PADI3: variants seen among roughly 807,000 people sequenced by gnomAD.
PADI3 encodes protein-arginine deiminase type-3.
In PADI3, 53 loss-of-function variants were observed where a neutral mutation model predicts 71.5. The observed-to-expected ratio is 0.74, with a 90% CI of 0.59 to 0.93. The LOEUF is 0.93. Among genes scored for constraint, PADI3 ranks in the 40% least tolerant of loss-of-function variants. The pLI is 0.00. For missense variants in PADI3, 821 were observed against 868.0 expected (o/e 0.95, Z 0.68); for synonymous variants, 361 against 347.5 (o/e 1.04, Z -0.43).
At chr1:17,270,746 C>T (rs1178948412) in intron 7 of PADI3, 133 bp from the exon 8 acceptor site, 3 of 689,518 alleles carry the variant, frequency 4.4e-6, no homozygotes, top group Non-Finnish European at 2.5e-6. Flanking sequence ...ACTTCTTGAC[C>T]ACCCCTCTGG....
rs539544227 is a variant in PADI3, at chr1:17,258,337, G to A, written c.93-1241G>A. ...ATGTTGGTCCTCAGCTCCCCAGCGG[G>A]ATCAACAGTGGGGAGAGCAGTGGGT... is the stretch of plus-strand genomic sequence containing the variant. On this transcript the variant is annotated intron_variant, in intron 1 of 15. Transcript: ENST00000375460. Among the ~76,000 whole-genome samples the A allele has an allele frequency of 7.2e-5, 11 of 152,354 alleles. 2 individuals carry two copies. Among genetic ancestry groups the A allele is most frequent in the African/African-American group, 2.2e-4 (9 of 41,578 alleles).
chr1:17,252,404 T>C (rs2072977825), intron 1 of PADI3, among the ~76,000 whole-genome samples: 2 of 149,966 alleles, frequency 1.3e-5, no homozygotes, highest in South Asian at 4.2e-4. Context: ...CTTCTTCTTT[T>C]TTTTTTTTTT....
chr1:17,255,090 T>C (rs1200627012), intron 1 of PADI3, among the ~76,000 whole-genome samples: 1 of 152,222 alleles, frequency 6.6e-6, no homozygotes, highest in South Asian at 2.1e-4. Context: ...TCAGAATGGC[T>C]TAAAATGCGG....
In PADI3 at chr1:17,280,748, G is replaced by A. The variant is rs751850048; in HGVS notation, c.1713G>A (p.Gln571=). 4.2e-5 allele frequency: 67 copies of A among 1,614,060 alleles called. No individual in the cohort carries two copies. The highest frequency in any genetic ancestry group is 5.6e-5 in the Non-Finnish European group (66 of 1,180,036). ...LAECDIIDIP[Q]LFKTERKKAT... ...AGTGTGACATCATTGACATCCCACA[G>A]CTCTTCAAGACCGAGAGGAAAAAAG... The change falls in exon 15 of 16, where the codon CAG becomes CAA. Residue 571 remains glutamine (Q), a synonymous_variant. Coordinates refer to ENST00000375460, the MANE Select transcript of PADI3 (RefSeq NM_016233.2).
At chr1:17,270,504 G>A (rs773090747) in intron 7 of PADI3, 93 bp downstream of exon 7, 532 of 1,094,132 alleles carry the variant, frequency 4.9e-4, no homozygotes, top group Non-Finnish European at 5.8e-4. Flanking sequence ...AAAAAATAGC[G>A]AGGTATAGTG....
At chr1:17,256,012 G>A (rs1455058872) in intron 1 of PADI3, among the ~76,000 whole-genome samples, 1 of 152,134 alleles carries the variant, frequency 6.6e-6, no homozygotes, top group Non-Finnish European at 1.5e-5. Context: ...GGGATGAAAT[G>A]AAAACAAGCT....
At chr1:17,256,885 T>C (rs1015494371) in intron 1 of PADI3, among the ~76,000 whole-genome samples, 2 of 151,808 alleles carry the variant, frequency 1.3e-5, no homozygotes, top group Admixed American at 1.3e-4. Context: ...ATACAAAAAT[T>C]AGCCGGACAC....
chr1:17,277,942 C>T (rs72646786), intron 13 of PADI3: 19,224 of 154,490 alleles, frequency 0.12, 1,443 homozygotes, highest in South Asian at 0.28. Flanking sequence ...AGATGCCAAA[C>T]TGGACCTGCC....
chr1:17,255,559 C>T (rs1278875829), intron 1 of PADI3, among the ~76,000 whole-genome samples: 1 of 152,196 alleles, frequency 6.6e-6, no homozygotes, highest in Non-Finnish European at 1.5e-5. Context: ...AGGTACTTCC[C>T]CTGTTCTCTA....
At chr1:17,274,608 C>T (rs1250655699) in intron 10 of PADI3, 27 bp from the exon 11 acceptor site, 1 of 1,596,574 alleles carries the variant, frequency 6.3e-7, no homozygotes, top group Admixed American at 1.7e-5. Context: ...ACCCTCCACC[C>T]CCGCCTGACT....
chr1:17,269,397 G>A (rs1231713405), intron 6 of PADI3, among the ~76,000 whole-genome samples: 1 of 152,156 alleles, frequency 6.6e-6, no homozygotes, highest in African/African-American at 2.4e-5. Context: ...GACTTACACA[G>A]TTCTCTGAAC....
chr1:17,263,734 G>A (rs1006329480), intron 3 of PADI3, among the ~76,000 whole-genome samples: 5 of 152,252 alleles, frequency 3.3e-5, no homozygotes, highest in East Asian at 1.9e-4. Flanking sequence ...CAATGCATAC[G>A]GCTGACTTGG....
intron 9 of PADI3, among the ~76,000 whole-genome samples, chr1:17,272,236 G>A (rs542194918): frequency 1.3e-5 from 2 of 152,258 alleles, no homozygotes; most frequent in East Asian, 1.9e-4. Context: ...GCAAAGGCCC[G>A]GGGGTGGGAG....
In PADI3 at chr1:17,276,547, G is replaced by A. The variant is rs770763377; in HGVS notation, c.1336G>A (p.Val446Met). 2 of 1,614,138 alleles carry A rather than the reference G, an allele frequency of 1.2e-6. No individual in the cohort carries two copies. Among genetic ancestry groups the A allele is most frequent in the South Asian group, 2.2e-5 (2 of 91,078 alleles). ...AAGTGGCCGCAGGGTCACCCAGGTGGTGCGGGACTTCCTCCATGCCCAGAA... is the reference window on the plus strand; with the variant it reads ...AAGTGGCCGCAGGGTCACCCAGGTGATGCGGGACTTCCTCCATGCCCAGAA... Reference protein sequence around the residue: ...GSSGRRVTQVVRDFLHAQKVQ... With the variant: ...GSSGRRVTQVMRDFLHAQKVQ... The change falls in exon 12 of 16, where the codon GTG becomes ATG. Residue 446 changes from valine (V) to methionine (M), a missense_variant. By Grantham distance (21) the Val-to-Met change is conservative. Coordinates refer to ENST00000375460, the MANE Select transcript of PADI3 (RefSeq NM_016233.2).
At chr1:17,274,097 A>AC (rs2073292595) in intron 10 of PADI3, among the ~76,000 whole-genome samples, 1 of 151,834 alleles carries the variant, frequency 6.6e-6, no homozygotes. Flanking sequence ...AGAACAAGAG[A>AC]CCCCTCCAAC....
chr1:17,267,278 A>T (rs913822156), intron 5 of PADI3, among the ~76,000 whole-genome samples: 1 of 152,014 alleles, frequency 6.6e-6, no homozygotes, highest in Non-Finnish European at 1.5e-5. Flanking sequence ...CTCAACCCCA[A>T]ATCTGGGCCT....
In PADI3 at chr1:17,276,857, C is replaced by A; in HGVS notation, c.1536C>A (p.Leu512=). Residue 512 remains leucine, a synonymous_variant, in exon 13 of 16, where the codon CTC becomes CTA. Transcript: ENST00000375460. ...EKQKCGHGRA[L]LFQGVVDDEQ... is the part of the protein sequence containing the mutation. ...AGAAGTGTGGCCACGGGAGGGCCCT[C>A]CTGTTCCAGGGGGTTGTTGGTGGGT... 6.2e-7 allele frequency: 1 copy of A among 1,612,628 alleles called. No individual in the cohort carries two copies. Among genetic ancestry groups the A allele is most frequent in the Non-Finnish European group, 8.5e-7 (1 of 1,179,420 alleles).
intron 1 of PADI3, among the ~76,000 whole-genome samples, chr1:17,253,157 C>T (rs561715023): frequency 7.9e-5 from 12 of 152,322 alleles, no homozygotes; most frequent in East Asian, 5.8e-4. Context: ...TGCTGAGACT[C>T]GCCTGGATTG....
intron 10 of PADI3, 28 bp downstream of exon 10, chr1:17,273,475 C>A: frequency 6.8e-7 from 1 of 1,463,844 alleles, no homozygotes; most frequent in Non-Finnish European, 9.5e-7. Flanking sequence ...CAGCCCACCC[C>A]TGAGAGCTGA....
Sources: allele counts gnomAD v4.1 joint callset (sites outside exome capture counted in the v4.1 genomes callset), GRCh38; gene constraint gnomAD v4.1.1; transcripts MANE v1.5; gene names NCBI Gene and HGNC (gene_info 2026-07-23, HGNC 2026-07-21).